The following WDFY4 variants were observed in gnomAD, a reference collection of about 807,000 sequenced individuals.
The protein encoded by WDFY4 is WDFY family member 4, also known as WD repeat- and FYVE domain-containing protein 4.
In WDFY4, 169 loss-of-function variants were observed where a neutral mutation model predicts 351.9. That is an observed-to-expected ratio of 0.48 (90% CI 0.42 to 0.55). WDFY4 has a LOEUF of 0.55. WDFY4 is among the 20% of genes least tolerant of loss of function. The pLI is 0.00. For synonymous variants in WDFY4, 1,622 were observed against 1,574.6 expected, an observed-to-expected ratio of 1.03 and a Z score of -0.71; for missense variants, 3,803 against 3,935.6, an observed-to-expected ratio of 0.97 and a Z score of 0.90.
chr10:48,811,809 C>T, intron 30 of WDFY4, 101 bp downstream of exon 30: 1 of 1,262,422 alleles, frequency 7.9e-7, no homozygotes, highest in Non-Finnish European at 1.1e-6. Flanking sequence ...CCCTCTGCTT[C>T]TTCCAGCTCA....
In WDFY4 at chr10:48,727,461, C is replaced by T. The variant is rs1219006471; in HGVS notation, c.782-9C>T. On this transcript the variant is annotated splice_polypyrimidine_tract_variant and intron_variant, in intron 6 of 61. Transcript: ENST00000325239. ...CTCAGCAGGTCTCTCCTGTGCTTCC[C>T]TCCTGCAGCCACAGACTGTGTCAGG... 3 of 1,551,230 alleles carry T rather than the reference C, an allele frequency of 1.9e-6. No individual in the cohort carries two copies. Among genetic ancestry groups the T allele is most frequent in the African/African-American group, 1.4e-5 (1 of 73,052 alleles).
At chr10:48,710,744 G>A (rs2063747935) in intron 2 of WDFY4, among the ~76,000 whole-genome samples, 1 of 152,222 alleles carries the variant, frequency 6.6e-6, no homozygotes, top group Non-Finnish European at 1.5e-5. Flanking sequence ...GGTAAAATCA[G>A]TGGAAAGCAC....
intron 51 of WDFY4, among the ~76,000 whole-genome samples, chr10:48,948,589 G>A (rs1841171570): frequency 6.6e-6 from 1 of 152,212 alleles, no homozygotes; most frequent in Non-Finnish European, 1.5e-5. Flanking sequence ...AGTCTCAGCT[G>A]TGAGATTTAC....
intron 31 of WDFY4, among the ~76,000 whole-genome samples, chr10:48,815,602 G>A (rs989084166): frequency 3.3e-5 from 5 of 152,254 alleles, no homozygotes; most frequent in East Asian, 1.9e-4. Flanking sequence ...GACACCACAG[G>A]TGTGCACCAC....
At position 48,953,333 on chromosome 10, in the gene WDFY4, T is replaced by TCACA. The variant is rs1554820608; in HGVS notation, c.7978-3771_7978-3768dup. Among the ~76,000 whole-genome samples, 270 of 128,228 alleles carry TCACA rather than the reference T, an allele frequency of 2.1e-3. 1 individual carries two copies. The highest frequency in any genetic ancestry group is 7.1e-3 in the African/African-American group (239 of 33,800). The allele number at this position is 128,228 out of a possible 152,430, so 84.1% of individuals were successfully genotyped here. ...CTCTCTCTCTCTCTCTCTCTCTCTC[T>TCACA]CACACACACACACACACACACACAC... On this transcript the variant is annotated intron_variant, in intron 51 of 61. Coordinates refer to ENST00000325239, the MANE Select transcript of WDFY4 (RefSeq NM_001394531.1).
At chr10:48,781,975 T>A (rs2066241256) in intron 19 of WDFY4, among the ~76,000 whole-genome samples, 1 of 152,052 alleles carries the variant, frequency 6.6e-6, no homozygotes, top group South Asian at 2.1e-4. Context: ...GAGTTAGGAG[T>A]GGCTTGTTAC....
Position 48,969,245 on chromosome 10 carries a change from C to A in WDFY4, c.8766C>A (p.Asp2922Glu), listed in dbSNP as rs1483237632. The change falls in exon 56 of 62, where the codon GAC becomes GAA. Residue 2922 changes from aspartate to glutamate, a missense_variant. Physicochemically the swap from Asp to Glu is conservative, Grantham distance 45. Transcript: ENST00000325239. ...GCTGCTTGGGGAGCTACGGCTCCGA[C>A]AAGGTGAGGGGGCTGCAGGGAGCAG... ...FSCCLGSYGSDKVLMTFENLA... is the reference protein window; with the variant it reads ...FSCCLGSYGSEKVLMTFENLA... 6.4e-7 allele frequency: 1 copy of A among 1,551,234 alleles called. No homozygotes were observed. The highest frequency in any genetic ancestry group is 8.7e-7 in the Non-Finnish European group (1 of 1,146,894).
intron 30 of WDFY4, among the ~76,000 whole-genome samples, chr10:48,812,800 A>C (rs1029234827): frequency 2.3e-4 from 35 of 152,104 alleles, no homozygotes; most frequent in African/African-American, 8.2e-4. Flanking sequence ...GTATCTTTCC[A>C]ACCCAGCTGC....
chr10:48,883,981 T>C (rs942174102), intron 43 of WDFY4: 1 of 152,216 alleles, frequency 6.6e-6, no homozygotes, highest in Non-Finnish European at 1.5e-5. Flanking sequence ...ACTGATTTAA[T>C]GCATATTAAT....
chr10:48,930,439 T>C (rs1277154892), intron 47 of WDFY4, among the ~76,000 whole-genome samples: 2 of 152,178 alleles, frequency 1.3e-5, no homozygotes, highest in African/African-American at 4.8e-5. Context: ...TGAGAACAAG[T>C]GCACTATGGG....
At chr10:48,920,839 A>G (rs535753777) in intron 47 of WDFY4, among the ~76,000 whole-genome samples, 1 of 152,214 alleles carries the variant, frequency 6.6e-6, no homozygotes, top group Non-Finnish European at 1.5e-5. Flanking sequence ...CACACAAAAC[A>G]CCCATTGCAT....
rs976706839 is a variant in WDFY4 at position 48,858,008 on chromosome 10, C to A, written c.6664-9257C>A. Among the ~76,000 whole-genome samples the A allele has an allele frequency of 6.6e-5, 10 of 152,036 alleles. No homozygotes were observed. The East Asian group carries it at 1.3e-3, about 21-fold the overall frequency. On this transcript the variant is annotated intron_variant, in intron 39 of 61. Coordinates refer to ENST00000325239, the MANE Select transcript of WDFY4 (RefSeq NM_001394531.1). ...AAGGTTTCACCACATTGGCCAGGTT[C>A]GTCTTGAACTCTTGACCTCAGGTGA...
chr10:48,709,557 C>T (rs1234523831), intron 1 of WDFY4, 159 bp from the exon 2 acceptor site: 5 of 645,220 alleles, frequency 7.7e-6, no homozygotes, highest in East Asian at 2.7e-5. Context: ...ATCTGAATCC[C>T]CTTTTTAAAA....
intron 47 of WDFY4, among the ~76,000 whole-genome samples, chr10:48,911,276 C>G (rs1448769319): frequency 6.6e-6 from 1 of 152,130 alleles, no homozygotes; most frequent in Non-Finnish European, 1.5e-5. Flanking sequence ...AAGGACAGTG[C>G]TTAGTGCTGG....
At chr10:48,977,160 T>C (rs1343668526) in intron 59 of WDFY4, 181 bp downstream of exon 59, 1 of 449,796 alleles carries the variant, frequency 2.2e-6, no homozygotes, top group Non-Finnish European at 3.7e-6. Flanking sequence ...ATAAATAAAA[T>C]TATATATATA....
chr10:48,732,236 A>G (rs1168228422), intron 9 of WDFY4, among the ~76,000 whole-genome samples: 6 of 151,794 alleles, frequency 4.0e-5, no homozygotes, highest in African/African-American at 1.5e-4. Context: ...TGCTGGAGTC[A>G]CTCTATGTGG....
chr10:48,887,370 T>C (rs961802593), intron 43 of WDFY4, among the ~76,000 whole-genome samples: 6 of 152,212 alleles, frequency 3.9e-5, no homozygotes, highest in African/African-American at 7.2e-5. Context: ...GACATAATCT[T>C]CCTGATAGTC....
intron 39 of WDFY4, among the ~76,000 whole-genome samples, chr10:48,865,182 G>T (rs1375360574): frequency 1.3e-5 from 2 of 152,310 alleles, no homozygotes; most frequent in African/African-American, 4.8e-5. Flanking sequence ...GTATAATGTT[G>T]TATAATGTTG....
chr10:48,686,045 A>C (rs1356433955), intron 1 of WDFY4, among the ~76,000 whole-genome samples: 1 of 152,106 alleles, frequency 6.6e-6, no homozygotes, highest in Non-Finnish European at 1.5e-5. Flanking sequence ...TTGGTGTGGC[A>C]GAGCCGGGTA....
Sources: allele counts gnomAD v4.1 joint callset (sites outside exome capture counted in the v4.1 genomes callset), GRCh38; gene constraint gnomAD v4.1.1; transcripts MANE v1.5; gene names NCBI Gene and HGNC (gene_info 2026-07-23, HGNC 2026-07-21).